XPA: variants seen among roughly 807,000 people sequenced by gnomAD.
The protein encoded by XPA is DNA repair protein complementing XP-A cells.
A neutral mutation model predicts 35.7 loss-of-function variants in XPA; 27 were observed. The ratio of observed to expected loss-of-function variants is 0.76; its 90% CI spans 0.56 to 1.04. The LOEUF (loss-of-function observed/expected upper bound fraction) is 1.04. Among genes scored for constraint, XPA ranks in the 50% least tolerant of loss-of-function variants. The probability of loss-of-function intolerance (pLI) is 0.00; values close to 1 mark genes in which losing one functional copy is unlikely to be tolerated. For missense variants in XPA, 354 were observed against 342.7 expected, an observed-to-expected ratio of 1.03 and a Z score of -0.26; for synonymous variants, 133 against 118.4, an observed-to-expected ratio of 1.12 and a Z score of -0.80.
At chr9:97,695,419 T>C (rs1587753904) in intron 1 of XPA, among the ~76,000 whole-genome samples, 1 of 152,162 alleles carries the variant, frequency 6.6e-6, no homozygotes, top group East Asian at 1.9e-4. Context: ...TTCTGACAAA[T>C]AGTAAACATT....
intron 3 of XPA, among the ~76,000 whole-genome samples, chr9:97,687,727 G>C (rs1828765674): frequency 6.6e-6 from 1 of 152,150 alleles, no homozygotes; most frequent in African/African-American, 2.4e-5. Context: ...AAGGGGTAAT[G>C]GGGGAGAGAC....
At chr9:97,655,323 G>C in the XPA span, among the ~76,000 whole-genome samples, 9 of 152,114 alleles carry the variant, frequency 5.9e-5, no homozygotes, top group African/African-American at 9.7e-5. Flanking sequence ...CAATCCTCCT[G>C]CCTTAGTCTC....
intron 1 of XPA, among the ~76,000 whole-genome samples, chr9:97,694,178 A>G (rs3176650): frequency 0.025 from 3,798 of 152,374 alleles, 170 homozygotes; most frequent in African/African-American, 0.087. Flanking sequence ...AAAAACGTCA[A>G]TTCTTCACAA....
At chr9:97,664,451 A>G in the XPA span, 2 of 1,561,858 alleles carry the variant, frequency 1.3e-6, no homozygotes, top group Non-Finnish European at 1.8e-6. Flanking sequence ...CAGGTAATAT[A>G]AATTATTTTA....
chr9:97,690,870 G>A (rs1314413775), intron 2 of XPA, among the ~76,000 whole-genome samples: 1 of 152,204 alleles, frequency 6.6e-6, no homozygotes, highest in Non-Finnish European at 1.5e-5. Context: ...GGGTCTACCT[G>A]AATAACCCAG....
the XPA span, chr9:97,663,155 T>C: frequency 3.6e-5 from 29 of 813,786 alleles, no homozygotes; most frequent in Middle Eastern, 2.7e-4. Flanking sequence ...TGACTCTGCC[T>C]AGATAATGGT....
rs552647011 is a variant in XPA at position 97,681,057 on chromosome 9, T to C, written c.673+3866A>G. Among the ~76,000 whole-genome samples the C allele has an allele frequency of 4.6e-5, 7 of 152,348 alleles. No individual in the cohort carries two copies. The East Asian group carries it at 1.2e-3, about 25-fold the overall frequency. On this transcript the variant is annotated intron_variant, in intron 5 of 5. Coordinates refer to ENST00000375128, the MANE Select transcript of XPA (RefSeq NM_000380.4). The stretch of plus-strand genomic sequence containing the variant: ...ATATATTCAGGGACTGCTTATACTT[T>C]TTACAGACGAAAAAATTCTCCTAAA...
At chr9:97,692,059 G>A (rs566910616) in intron 2 of XPA, among the ~76,000 whole-genome samples, 40 of 152,054 alleles carry the variant, frequency 2.6e-4, no homozygotes, top group African/African-American at 9.4e-4. Flanking sequence ...TTGGGAGGCC[G>A]AGGAGGGTGG....
the XPA span, chr9:97,666,674 T>C: frequency 2.5e-6 from 2 of 793,818 alleles, no homozygotes; most frequent in South Asian, 3.8e-5. Context: ...CTGTATCAGC[T>C]GTTAAGAATG....
At chr9:97,658,543 C>G in the XPA span, 1 of 905,810 alleles carries the variant, frequency 1.1e-6, no homozygotes, top group Non-Finnish European at 1.8e-6. Flanking sequence ...CAGCTGAGTT[C>G]AAGTTGTTGG....
chr9:97,676,636 G>A (rs1828374385), intron 5 of XPA, among the ~76,000 whole-genome samples: 1 of 152,162 alleles, frequency 6.6e-6, no homozygotes, highest in African/African-American at 2.4e-5. Context: ...ACAGGGCTAT[G>A]TATAAGGCAG....
the XPA span, among the ~76,000 whole-genome samples, chr9:97,656,829 T>C: frequency 6.6e-6 from 1 of 152,208 alleles, no homozygotes; most frequent in African/African-American, 2.4e-5. Context: ...ACCACTCTCC[T>C]ACCTAGCCAG....
At chr9:97,656,624 A>C in the XPA span, among the ~76,000 whole-genome samples, 4 of 152,214 alleles carry the variant, frequency 2.6e-5, no homozygotes, top group Non-Finnish European at 4.4e-5. Flanking sequence ...ACAACATTAC[A>C]AAGAATTCTG....
chr9:97,660,976 G>A, the XPA span: 1 of 1,612,302 alleles, frequency 6.2e-7, no homozygotes, highest in Non-Finnish European at 8.5e-7. Context: ...GTTGCCCTCT[G>A]TTTAGCTGTT....
Position 97,697,157 on chromosome 9 carries a change from G to A in XPA, c.136C>T (p.Arg46Trp), listed in dbSNP as rs1277630830. 3 of 1,570,806 alleles carry A rather than the reference G, an allele frequency of 1.9e-6. No individual in the cohort carries two copies. The highest frequency in any genetic ancestry group is 2.6e-6 in the Non-Finnish European group (3 of 1,161,868). The stretch of plus-strand genomic sequence containing the variant: ...GCAGCCGCCGTCGCCGAGTAGGGCC[G>A]GGCAGCCAGCCGGGCCTGGCGCAGC... ...LMLRQARLAARPYSATAAAAT... is the reference protein window; with the variant it reads ...LMLRQARLAAWPYSATAAAAT... Residue 46 changes from arginine to tryptophan, a missense_variant, in exon 1 of 6, where the codon CGG (arginine) becomes TGG (tryptophan). By Grantham distance (101) the Arg-to-Trp change is moderately radical (BLOSUM62 -3). Transcript: ENST00000375128.
the XPA span, chr9:97,655,983 C>T: frequency 6.3e-7 from 1 of 1,584,932 alleles, no homozygotes; most frequent in South Asian, 1.1e-5. Flanking sequence ...TATATGTAAG[C>T]ATTGATAAAA....
chr9:97,675,189 C>G lies in XPA; in HGVS notation c.*250G>C, dbSNP rs1007535255. ...TACCACTTCTGCACCTACTCTAGCA[C>G]TCAGCTCCCATCTCTGTTGTAAGAA... is the stretch of plus-strand genomic sequence containing the variant. On this transcript the variant is annotated 3_prime_UTR_variant, in exon 6 of 6. Coordinates refer to ENST00000375128, the MANE Select transcript of XPA (RefSeq NM_000380.4). 4 of 615,978 alleles carry G rather than the reference C, an allele frequency of 6.5e-6. No individual in the cohort carries two copies. The highest frequency in any genetic ancestry group is 1.8e-5 in the African/African-American group (1 of 55,992). The allele number at this position is 615,978 out of a possible 1,614,324, so 38.2% of individuals were successfully genotyped here.
intron 2 of XPA, among the ~76,000 whole-genome samples, chr9:97,690,026 G>T (rs149851010): frequency 6.6e-6 from 1 of 152,288 alleles, no homozygotes; most frequent in East Asian, 1.9e-4. Flanking sequence ...GCAGGGCTGT[G>T]TTCCTTTCTG....
the XPA span, among the ~76,000 whole-genome samples, chr9:97,655,453 T>A: frequency 6.6e-6 from 1 of 152,162 alleles, no homozygotes; most frequent in African/African-American, 2.4e-5. Context: ...AATATGTACC[T>A]TGGAAGTTGT....
Sources: gnomAD v4.1 joint callset for allele counts (sites outside exome capture counted in the v4.1 genomes callset) on GRCh38, gnomAD v4.1.1 for gene constraint, MANE v1.5 for transcripts, NCBI Gene and HGNC (gene_info 2026-07-23, HGNC 2026-07-21) for gene names.